Variants in GNA14 observed in about 807,000 individuals in gnomAD.
GNA14 encodes G protein subunit alpha 14.
GNA14 carries 50 observed loss-of-function variants against 42.0 expected under a neutral mutation model. The observed-to-expected ratio is 1.19, with a 90% CI of 0.95 to 1.51. The LOEUF (loss-of-function observed/expected upper bound fraction) is 1.51, where lower values mean the gene tolerates loss of function less well. Ranked by LOEUF, GNA14 falls within the 40% of genes most tolerant of loss-of-function variation. The probability of loss-of-function intolerance (pLI) is 0.00; values close to 1 mark genes in which losing one functional copy is unlikely to be tolerated. For synonymous variants in GNA14, 173 were observed against 163.1 expected (o/e 1.06, Z -0.46); for missense variants, 473 against 446.2 (o/e 1.06, Z -0.54).
At chr9:77,453,638 T>G (rs1835951303) in intron 2 of GNA14, among the ~76,000 whole-genome samples, 1 of 152,148 alleles carries the variant, frequency 6.6e-6, no homozygotes, top group East Asian at 1.9e-4. Flanking sequence ...GTGTATGGCT[T>G]AAAAACAACA....
chr9:77,442,321 G>C (rs1206466836), intron 2 of GNA14, among the ~76,000 whole-genome samples: 1 of 152,176 alleles, frequency 6.6e-6, no homozygotes, highest in Non-Finnish European at 1.5e-5. Context: ...GCAGTGAGCT[G>C]AGATCACACA....
At chr9:77,576,492 T>A (rs934713485) in intron 1 of GNA14, among the ~76,000 whole-genome samples, 4 of 152,198 alleles carry the variant, frequency 2.6e-5, no homozygotes, top group Admixed American at 2.0e-4. Flanking sequence ...AACATCTTCA[T>A]CTTATGCTAT....
intron 1 of GNA14, among the ~76,000 whole-genome samples, chr9:77,617,908 T>C (rs1287709452): frequency 6.6e-6 from 1 of 152,060 alleles, no homozygotes; most frequent in Non-Finnish European, 1.5e-5. Context: ...GAATTACTCC[T>C]GGCAAAATTA....
intron 1 of GNA14, among the ~76,000 whole-genome samples, chr9:77,534,833 G>T (rs1019822963): frequency 6.6e-6 from 1 of 152,170 alleles, no homozygotes; most frequent in Non-Finnish European, 1.5e-5. Context: ...AAATATTCAT[G>T]AATGGGTGTT....
chr9:77,537,607 A>G (rs1564047777), intron 1 of GNA14, among the ~76,000 whole-genome samples: 1 of 152,178 alleles, frequency 6.6e-6, no homozygotes, highest in African/African-American at 2.4e-5. Context: ...CTAGTAGTAG[A>G]TTGCTGGATT....
chr9:77,507,278 T>C (rs1006299226), intron 2 of GNA14, among the ~76,000 whole-genome samples: 4 of 152,230 alleles, frequency 2.6e-5, no homozygotes, highest in African/African-American at 9.6e-5. Context: ...TGCTTCAATA[T>C]GCTTACCCAA....
intron 2 of GNA14, among the ~76,000 whole-genome samples, chr9:77,437,074 C>T (rs956515629): frequency 6.6e-6 from 1 of 152,186 alleles, no homozygotes; most frequent in Admixed American, 6.5e-5. Flanking sequence ...GGGCATGCCT[C>T]TTTTGCTGCT....
At chr9:77,596,854 A>T (rs1392782487) in intron 1 of GNA14, among the ~76,000 whole-genome samples, 3 of 152,108 alleles carry the variant, frequency 2.0e-5, no homozygotes, top group Non-Finnish European at 4.4e-5. Flanking sequence ...TGTTTTGTCT[A>T]CCTATGACCT....
At chr9:77,612,060 T>A (rs567918992) in intron 1 of GNA14, among the ~76,000 whole-genome samples, 1 of 152,200 alleles carries the variant, frequency 6.6e-6, no homozygotes, top group Non-Finnish European at 1.5e-5. Context: ...ATAGTTATTA[T>A]TGAGTGGTTA....
At chr9:77,553,452 T>A (rs1416928405) in intron 1 of GNA14, among the ~76,000 whole-genome samples, 1 of 151,940 alleles carries the variant, frequency 6.6e-6, no homozygotes, top group Non-Finnish European at 1.5e-5. Flanking sequence ...TGCAAAAAAC[T>A]TCAATGATCA....
Position 77,625,105 on chromosome 9 carries a change from A to G in GNA14, c.124+22565T>C, listed in dbSNP as rs188009340. Among the ~76,000 whole-genome samples the G allele has an allele frequency of 1.8e-3, 268 of 152,044 alleles. 1 individual carries two copies. Among genetic ancestry groups the G allele is most frequent in the Non-Finnish European group, 4.4e-4 (30 of 68,004 alleles). On this transcript the variant is annotated intron_variant, in intron 1 of 6. Coordinates refer to ENST00000341700, the MANE Select transcript of GNA14 (RefSeq NM_004297.4). ...AGAACACAGAACAAGAACTTCGTGA[A>G]GCATACACAAGTATCAATAGCGGAA...
At chr9:77,621,581 C>A (rs548096956) in intron 1 of GNA14, among the ~76,000 whole-genome samples, 1 of 152,304 alleles carries the variant, frequency 6.6e-6, no homozygotes, top group South Asian at 2.1e-4. Flanking sequence ...ATTTCCTCCA[C>A]CTGCCCCACC....
At chr9:77,573,237 T>G (rs1471500901) in intron 1 of GNA14, among the ~76,000 whole-genome samples, 1 of 151,930 alleles carries the variant, frequency 6.6e-6, no homozygotes, top group Admixed American at 6.6e-5. Context: ...TCACCCGAGG[T>G]CAGGAGTTTG....
intron 1 of GNA14, among the ~76,000 whole-genome samples, chr9:77,589,774 G>A (rs574526534): frequency 6.6e-6 from 1 of 152,328 alleles, no homozygotes; most frequent in African/African-American, 2.4e-5. Flanking sequence ...TGACCATCCA[G>A]AGTCACTGCC....
chr9:77,644,180 A>G (rs1427698684), intron 1 of GNA14, among the ~76,000 whole-genome samples: 1 of 152,136 alleles, frequency 6.6e-6, no homozygotes, highest in Non-Finnish European at 1.5e-5. Context: ...AAGAAGAGGA[A>G]GTGGCACGAC....
At chr9:77,570,239 T>A (rs1823040438) in intron 1 of GNA14, among the ~76,000 whole-genome samples, 1 of 152,228 alleles carries the variant, frequency 6.6e-6, no homozygotes, top group African/African-American at 2.4e-5. Flanking sequence ...ATAATCAACA[T>A]ACTATCAAGT....
At chr9:77,630,969 G>T (rs1022796778) in intron 1 of GNA14, among the ~76,000 whole-genome samples, 1 of 152,134 alleles carries the variant, frequency 6.6e-6, no homozygotes, top group Non-Finnish European at 1.5e-5. Context: ...CCTTAGGATT[G>T]CAAAAAATTT....
At chr9:77,591,640 G>A (rs1056835396) in intron 1 of GNA14, among the ~76,000 whole-genome samples, 3 of 152,334 alleles carry the variant, frequency 2.0e-5, no homozygotes, top group Non-Finnish European at 2.9e-5. Flanking sequence ...ACAGTAGTAT[G>A]TCATATGGTA....
chr9:77,484,234 A>C (rs1409402774), intron 2 of GNA14, among the ~76,000 whole-genome samples: 1 of 152,216 alleles, frequency 6.6e-6, no homozygotes, highest in East Asian at 1.9e-4. Context: ...TTAAAGTGAA[A>C]CATATCCAAG....
Sources: gnomAD v4.1 joint callset for allele counts (sites outside exome capture counted in the v4.1 genomes callset) on GRCh38, gnomAD v4.1.1 for gene constraint, MANE v1.5 for transcripts, NCBI Gene and HGNC (gene_info 2026-07-23, HGNC 2026-07-21) for gene names.